Variants in FAM227B observed in about 807,000 individuals in gnomAD.
The protein encoded by FAM227B is protein FAM227B.
Under a neutral mutation model 73.8 loss-of-function variants are expected in FAM227B, and 88 were observed. The ratio of observed to expected loss-of-function variants is 1.19; its 90% confidence interval spans 1.00 to 1.42. The LOEUF is 1.42. Among genes scored for constraint, FAM227B ranks in the 40% most tolerant of loss-of-function variants. FAM227B has a pLI of 0.00. For synonymous variants in FAM227B, 210 were observed against 190.5 expected (o/e 1.10, Z -0.84); for missense variants, 632 against 590.9 (o/e 1.07, Z -0.72).
At chr15:49,596,954 A>C (rs2076921083) in intron 3 of FAM227B, among the ~76,000 whole-genome samples, 1 of 152,058 alleles carries the variant, frequency 6.6e-6, no homozygotes, top group Non-Finnish European at 1.5e-5. Flanking sequence ...CTAAAACTGC[A>C]GCTCCCAAAT....
chr15:49,358,543 C>T (rs1205562251), intron 13 of FAM227B, among the ~76,000 whole-genome samples: 12 of 148,508 alleles, frequency 8.1e-5, no homozygotes, highest in Admixed American at 1.3e-4. Context: ...ATATGAAGGA[C>T]CTCTTCAAGG....
chr15:49,563,244 A>C (rs1332612456), intron 9 of FAM227B, among the ~76,000 whole-genome samples: 1 of 151,940 alleles, frequency 6.6e-6, no homozygotes, highest in African/African-American at 2.4e-5. Flanking sequence ...TCATATTTAC[A>C]GAAGCCAAAA....
intron 11 of FAM227B, among the ~76,000 whole-genome samples, chr15:49,460,408 G>A (rs1172454546): frequency 6.6e-6 from 1 of 152,168 alleles, no homozygotes; most frequent in Non-Finnish European, 1.5e-5. Flanking sequence ...TGTGTAGTGG[G>A]TGTCCATATA....
At chr15:49,372,061 C>T (rs191761864) in intron 11 of FAM227B, among the ~76,000 whole-genome samples, 4,744 of 73,024 alleles carry the variant, frequency 0.065, 820 homozygotes, top group Middle Eastern at 0.095. Flanking sequence ...ATAAAATTCA[C>T]TTATAAATCA....
At chr15:49,396,630 C>A (rs1302834179) in intron 11 of FAM227B, among the ~76,000 whole-genome samples, 1 of 152,050 alleles carries the variant, frequency 6.6e-6, no homozygotes, top group African/African-American at 2.4e-5. Context: ...GTGGTTCTCC[C>A]AGCACCCAGC....
intron 10 of FAM227B, among the ~76,000 whole-genome samples, chr15:49,529,825 G>A (rs1597926125): frequency 6.6e-6 from 1 of 151,510 alleles, no homozygotes; most frequent in Non-Finnish European, 1.5e-5. Context: ...CTGTAATTTT[G>A]TAACTTGAAG....
At chr15:49,424,424 A>G in intron 11 of FAM227B, 1 of 1,613,746 alleles carries the variant, frequency 6.2e-7, no homozygotes, top group Non-Finnish European at 8.5e-7. Context: ...AATGGCTACA[A>G]ATGTGAACTG....
intron 11 of FAM227B, among the ~76,000 whole-genome samples, chr15:49,461,023 C>T (rs2053747530): frequency 6.6e-6 from 1 of 152,144 alleles, no homozygotes; most frequent in South Asian, 2.1e-4. Flanking sequence ...TGGGGCCAGC[C>T]TTCCCCTGAA....
At chr15:49,455,307 T>G (rs971433762) in intron 11 of FAM227B, among the ~76,000 whole-genome samples, 6 of 152,186 alleles carry the variant, frequency 3.9e-5, no homozygotes, top group Non-Finnish European at 8.8e-5. Context: ...TGTTATGAAT[T>G]CATCTAGCAT....
At chr15:49,605,903 G>A (rs74501850) in intron 3 of FAM227B, among the ~76,000 whole-genome samples, 1,683 of 152,186 alleles carry the variant, frequency 0.011, 35 homozygotes, top group African/African-American at 0.039. Context: ...TGGAGACTGG[G>A]TCTACAGGTG....
chr15:49,497,980 C>T (rs1013123152), intron 11 of FAM227B, among the ~76,000 whole-genome samples: 1 of 152,226 alleles, frequency 6.6e-6, no homozygotes, highest in African/African-American at 2.4e-5. Context: ...TCTTCTGCTA[C>T]CTTTCTGGCC....
At chr15:49,587,864 G>A (rs2076263356) in intron 5 of FAM227B, 152 bp downstream of exon 5, 1 of 591,226 alleles carries the variant, frequency 1.7e-6, no homozygotes, top group Admixed American at 5.0e-5. Context: ...GAAAGTAAGT[G>A]CAGCTATCTT....
intron 11 of FAM227B, among the ~76,000 whole-genome samples, chr15:49,432,299 GC>G (rs2050686703): frequency 6.6e-6 from 1 of 151,514 alleles, no homozygotes; most frequent in African/African-American, 2.4e-5. Context: ...TAACACTAGT[GC>G]CCCCTGAGAT....
At chr15:49,505,090 T>C (rs185800980) in intron 11 of FAM227B, among the ~76,000 whole-genome samples, 25 of 152,184 alleles carry the variant, frequency 1.6e-4, no homozygotes, top group African/African-American at 5.8e-4. Flanking sequence ...AGATTATTAA[T>C]ACATGTAACA....
rs1159634002 is a variant in FAM227B, at chr15:49,545,949, T to TC, written c.748-4144_748-4143insG. On this transcript the variant is annotated intron_variant, in intron 9 of 15. Coordinates refer to ENST00000299338, the MANE Select transcript of FAM227B (RefSeq NM_152647.3). ...AGAAGGGAGCAGGAGTAGCTATTTT[T>TC]TTTTTTTTTAATTTTATTATTATTA... Among the ~76,000 whole-genome samples the TC allele has an allele frequency of 1.8e-3, 266 of 151,752 alleles. 2 individuals carry two copies. The highest frequency in any genetic ancestry group is 2.7e-3 in the Non-Finnish European group (185 of 67,932).
At chr15:49,477,288 C>T (rs930554809) in intron 11 of FAM227B, among the ~76,000 whole-genome samples, 15 of 152,138 alleles carry the variant, frequency 9.9e-5, no homozygotes, top group African/African-American at 3.4e-4. Flanking sequence ...CAGTATTACG[C>T]AGAATAGTTT....
intron 9 of FAM227B, among the ~76,000 whole-genome samples, chr15:49,560,211 C>T (rs976057634): frequency 6.6e-6 from 1 of 151,996 alleles, no homozygotes; most frequent in African/African-American, 2.4e-5. Flanking sequence ...AAAAAACTCA[C>T]CAAAGAAATT....
intron 11 of FAM227B, among the ~76,000 whole-genome samples, chr15:49,490,347 G>C (rs982880311): frequency 4.6e-5 from 7 of 151,870 alleles, no homozygotes; most frequent in Non-Finnish European, 7.4e-5. Flanking sequence ...TTCTCAAACA[G>C]AGCAGCCAAA....
chr15:49,451,217 C>G (rs1345766151), intron 11 of FAM227B, among the ~76,000 whole-genome samples: 2 of 152,000 alleles, frequency 1.3e-5, no homozygotes, highest in South Asian at 4.2e-4. Context: ...AAAATTTTAA[C>G]CAATTAGAGC....
Sources: gnomAD v4.1 joint callset for allele counts (sites outside exome capture counted in the v4.1 genomes callset) on GRCh38, gnomAD v4.1.1 for gene constraint, MANE v1.5 for transcripts, NCBI Gene and HGNC (gene_info 2026-07-23, HGNC 2026-07-21) for gene names.